MNAT1: variants seen among roughly 807,000 people sequenced by gnomAD.
MNAT1 encodes the protein CDK-activating kinase assembly factor MAT1.
A neutral mutation model predicts 42.0 loss-of-function variants in MNAT1; 43 were observed. That is an observed-to-expected ratio of 1.02 (90% confidence interval 0.80 to 1.32). The LOEUF (loss-of-function observed/expected upper bound fraction) is 1.32. Among genes scored for constraint, MNAT1 ranks in the 40% most tolerant of loss-of-function variants. MNAT1 has a pLI of 0.00. For missense variants in MNAT1, 306 were observed against 350.4 expected (o/e 0.87, Z 1.01); for synonymous variants, 118 against 120.0 (o/e 0.98, Z 0.11).
At chr14:60,954,038 G>A (rs1212802157) in intron 7 of MNAT1, among the ~76,000 whole-genome samples, 1 of 151,910 alleles carries the variant, frequency 6.6e-6, no homozygotes, top group Non-Finnish European at 1.5e-5. Flanking sequence ...CCCTTTCTAG[G>A]TTCTCTGTTC....
intron 7 of MNAT1, among the ~76,000 whole-genome samples, chr14:60,897,283 A>C (rs1201890706): frequency 6.6e-6 from 1 of 152,154 alleles, no homozygotes; most frequent in East Asian, 1.9e-4. Flanking sequence ...AGTTTCATAT[A>C]AGAGTTACGG....
chr14:60,943,002 TAGTGTGTGTGTG>T (rs1385409071), intron 7 of MNAT1, among the ~76,000 whole-genome samples: 2 of 87,082 alleles, frequency 2.3e-5, no homozygotes, highest in African/African-American at 8.9e-5. Flanking sequence ...GAACCACATG[TAGTGTGTGTGTG>T]TGTGTGTGTG....
intron 1 of MNAT1, among the ~76,000 whole-genome samples, chr14:60,761,401 G>A (rs906277972): frequency 6.6e-6 from 1 of 152,178 alleles, no homozygotes; most frequent in Non-Finnish European, 1.5e-5. Flanking sequence ...TCTTTGAACA[G>A]TGTTCTCTAA....
chr14:60,958,312 A>AT (rs142010432), intron 7 of MNAT1, among the ~76,000 whole-genome samples: 248 of 148,360 alleles, frequency 1.7e-3, no homozygotes, highest in Admixed American at 4.8e-3. Context: ...TTTGGTTGGC[A>AT]TTTTTTTTTT....
chr14:60,805,580 A>G (rs2032342230), intron 3 of MNAT1, among the ~76,000 whole-genome samples: 1 of 152,120 alleles, frequency 6.6e-6, no homozygotes, highest in African/African-American at 2.4e-5. Context: ...TCCCTACCCC[A>G]ACCCCTGACA....
At chr14:60,954,091 T>C (rs2036435377) in intron 7 of MNAT1, among the ~76,000 whole-genome samples, 1 of 152,150 alleles carries the variant, frequency 6.6e-6, no homozygotes, top group Non-Finnish European at 1.5e-5. Flanking sequence ...TACCAGGCTG[T>C]TTTGATTACT....
At chr14:60,867,254 A>G (rs1218559004) in intron 6 of MNAT1, among the ~76,000 whole-genome samples, 1 of 152,140 alleles carries the variant, frequency 6.6e-6, no homozygotes, top group Non-Finnish European at 1.5e-5. Flanking sequence ...AGAGCTAGAA[A>G]AATATGGTGC....
At chr14:60,845,832 A>C (rs1566791698) in intron 6 of MNAT1, among the ~76,000 whole-genome samples, 1 of 152,040 alleles carries the variant, frequency 6.6e-6, no homozygotes, top group South Asian at 2.1e-4. Flanking sequence ...TTTGTGCTTC[A>C]TCCTTGTTTT....
intron 7 of MNAT1, among the ~76,000 whole-genome samples, chr14:60,910,144 A>T (rs1333435214): frequency 6.6e-6 from 1 of 152,160 alleles, no homozygotes; most frequent in Admixed American, 6.5e-5. Flanking sequence ...CTGGTGTATA[A>T]GAATGCTTGT....
At chr14:60,837,155 G>A (rs1594790472) in intron 6 of MNAT1, among the ~76,000 whole-genome samples, 1 of 152,184 alleles carries the variant, frequency 6.6e-6, no homozygotes, top group South Asian at 2.1e-4. Context: ...TAGCTTGCTG[G>A]GCTCCGTGGG....
intron 7 of MNAT1, among the ~76,000 whole-genome samples, chr14:60,888,600 C>A (rs2034746837): frequency 6.6e-6 from 1 of 150,870 alleles, no homozygotes; most frequent in Admixed American, 6.6e-5. Flanking sequence ...CTGGCCAGGG[C>A]AATCAGGCAG....
intron 7 of MNAT1, among the ~76,000 whole-genome samples, chr14:60,894,553 CCTCT>C (rs1234859105): frequency 1.3e-5 from 2 of 152,088 alleles, no homozygotes; most frequent in East Asian, 3.9e-4. Flanking sequence ...TCTGCCTTTA[CCTCT>C]ATGGGTTGGA....
chr14:60,903,678 A>G (rs1674090594), intron 7 of MNAT1, among the ~76,000 whole-genome samples: 1 of 152,172 alleles, frequency 6.6e-6, no homozygotes, highest in African/African-American at 2.4e-5. Context: ...TTTACATATG[A>G]AAGTGTTACT....
intron 3 of MNAT1, among the ~76,000 whole-genome samples, 156 bp from the exon 4 acceptor site, chr14:60,808,169 C>T (rs1230343376): frequency 6.6e-6 from 1 of 152,060 alleles, no homozygotes; most frequent in Non-Finnish European, 1.5e-5. Context: ...GTAACTAGAG[C>T]TAGTCTCTAA....
At chr14:60,779,467 G>T (rs532236262) in intron 1 of MNAT1, among the ~76,000 whole-genome samples, 5 of 152,036 alleles carry the variant, frequency 3.3e-5, no homozygotes, top group African/African-American at 1.2e-4. Context: ...AAAGTTTCCC[G>T]TGGAAACAAA....
At chr14:60,857,547 T>C (rs1464165678) in intron 6 of MNAT1, among the ~76,000 whole-genome samples, 4 of 152,226 alleles carry the variant, frequency 2.6e-5, no homozygotes, top group African/African-American at 9.6e-5. Context: ...TAGAATATTA[T>C]ATAAACTTAG....
intron 7 of MNAT1, among the ~76,000 whole-genome samples, chr14:60,934,134 C>T (rs1462319666): frequency 2.0e-5 from 3 of 152,130 alleles, no homozygotes; most frequent in Non-Finnish European, 4.4e-5. Context: ...ACAATTCATT[C>T]GTAGAGATGC....
chr14:60,947,444 A>G (rs1240035949), intron 7 of MNAT1, among the ~76,000 whole-genome samples: 1 of 152,164 alleles, frequency 6.6e-6, no homozygotes. Flanking sequence ...GCACTTTGGG[A>G]GGCCGAGGCG....
At chr14:60,911,639 G>T (rs2035366674) in intron 7 of MNAT1, among the ~76,000 whole-genome samples, 1 of 152,190 alleles carries the variant, frequency 6.6e-6, no homozygotes, top group African/African-American at 2.4e-5. Context: ...TTTTGAGTGA[G>T]TTTCTTAATC....
Sources: gnomAD v4.1 joint callset for allele counts (sites outside exome capture counted in the v4.1 genomes callset) on GRCh38, gnomAD v4.1.1 for gene constraint, MANE v1.5 for transcripts, NCBI Gene and HGNC (gene_info 2026-07-23, HGNC 2026-07-21) for gene names.